KIAA1217: variants seen among roughly 807,000 people sequenced by gnomAD.
KIAA1217 encodes sickle tail protein homolog.
In KIAA1217, 88 loss-of-function variants were observed where a neutral mutation model predicts 163.9. The observed-to-expected ratio is 0.54, with a 90% CI of 0.45 to 0.64. The LOEUF (loss-of-function observed/expected upper bound fraction) is 0.64, where lower values mean the gene tolerates loss of function less well. Among genes scored for constraint, KIAA1217 ranks in the 30% least tolerant of loss-of-function variants. KIAA1217 has a pLI of 0.00. For synonymous variants in KIAA1217, 903 were observed against 923.1 expected (o/e 0.98, Z 0.39); for missense variants, 2,372 against 2,475.0 (o/e 0.96, Z 0.88).
chr10:24,340,480 G>A (rs570405198), intron 2 of KIAA1217, among the ~76,000 whole-genome samples: 1 of 152,162 alleles, frequency 6.6e-6, no homozygotes, highest in East Asian at 1.9e-4. Context: ...GGAAGTATGA[G>A]TCCATTAAAC....
rs72336428 is a variant in KIAA1217, at chr10:23,876,504, T to TA, written c.-320-130711dup. Among the ~76,000 whole-genome samples, 28 of 147,106 alleles carry TA rather than the reference T, an allele frequency of 1.9e-4. No individual in the cohort carries two copies. In the South Asian group the frequency reaches 2.2e-3, roughly 11 times the overall value. On this transcript the variant is annotated intron_variant, in intron 1 of 18. Coordinates refer to the KIAA1217 transcript ENST00000376462. ...AAAATAAAAAATGGAAAACAAAAAATAAAAAAAAAAGAAAATGCACCTCCA... is the reference window on the plus strand; with the variant it reads ...AAAATAAAAAATGGAAAACAAAAAATAAAAAAAAAAAGAAAATGCACCTCCA...
intron 3 of KIAA1217, among the ~76,000 whole-genome samples, chr10:24,395,772 G>A (rs1312470948): frequency 1.3e-5 from 2 of 152,124 alleles, no homozygotes; most frequent in Admixed American, 6.5e-5. Flanking sequence ...CTGGGCTCAA[G>A]CAAGCCTCCC....
intron 3 of KIAA1217, among the ~76,000 whole-genome samples, chr10:24,416,739 C>G (rs901620758): frequency 1.3e-5 from 2 of 152,136 alleles, no homozygotes; most frequent in African/African-American, 4.8e-5. Flanking sequence ...ATCTTCCCTC[C>G]TCTTCATCCT....
intron 1 of KIAA1217, among the ~76,000 whole-genome samples, chr10:23,993,553 C>CTGTTTTTTTTTTTT (rs1554836824): frequency 1.5e-5 from 1 of 68,956 alleles, no homozygotes; most frequent in Non-Finnish European, 2.4e-5. Context: ...CATAGCCCAG[C>CTGTTTTTTTTTTTT]TTTTTTTTTT....
intron 2 of KIAA1217, among the ~76,000 whole-genome samples, chr10:24,227,220 C>T (rs137933221): frequency 0.041 from 6,188 of 151,730 alleles, 424 homozygotes; most frequent in African/African-American, 0.14. Context: ...TGCAATGGCG[C>T]GATCTTTTCT....
intron 1 of KIAA1217, among the ~76,000 whole-genome samples, chr10:23,764,418 C>A (rs139675754): frequency 1.3e-5 from 2 of 151,978 alleles, no homozygotes; most frequent in African/African-American, 4.8e-5. Context: ...GATTTAGAAC[C>A]ATTTGACCCA....
intron 1 of KIAA1217, among the ~76,000 whole-genome samples, chr10:23,849,451 A>G (rs1839198173): frequency 6.6e-6 from 1 of 152,062 alleles, no homozygotes; most frequent in Non-Finnish European, 1.5e-5. Flanking sequence ...CAGTGGCTCT[A>G]AAATCACCTG....
At chr10:23,851,806 G>A (rs1356901946) in intron 1 of KIAA1217, among the ~76,000 whole-genome samples, 2 of 152,202 alleles carry the variant, frequency 1.3e-5, no homozygotes, top group Non-Finnish European at 1.5e-5. Flanking sequence ...CTGCATAAAT[G>A]TCTTCTTTTG....
chr10:24,404,259 C>T (rs1248085669), intron 3 of KIAA1217, among the ~76,000 whole-genome samples: 2 of 152,154 alleles, frequency 1.3e-5, no homozygotes, highest in Admixed American at 6.5e-5. Flanking sequence ...TGAGCCCACC[C>T]CTACAGTTCC....
intron 1 of KIAA1217, among the ~76,000 whole-genome samples, chr10:23,729,860 C>T (rs1838374423): frequency 6.6e-6 from 1 of 151,964 alleles, no homozygotes; most frequent in African/African-American, 2.4e-5. Flanking sequence ...AATTGTCAAA[C>T]CCAAAGCCCA....
intron 1 of KIAA1217, among the ~76,000 whole-genome samples, chr10:23,841,685 T>C (rs960795865): frequency 2.6e-5 from 4 of 151,994 alleles, no homozygotes; most frequent in African/African-American, 7.2e-5. Flanking sequence ...TAATTCTTCG[T>C]TGCAAAAACA....
intron 1 of KIAA1217, among the ~76,000 whole-genome samples, chr10:23,782,982 T>C (rs1835325566): frequency 6.6e-6 from 1 of 152,220 alleles, no homozygotes; most frequent in South Asian, 2.1e-4. Flanking sequence ...CTTTCATAAA[T>C]GGACTTTGTT....
chr10:24,260,326 C>T (rs1249137005), intron 2 of KIAA1217, among the ~76,000 whole-genome samples: 1 of 152,042 alleles, frequency 6.6e-6, no homozygotes, highest in Non-Finnish European at 1.5e-5. Context: ...GTTTAGGAAG[C>T]TTCTGGGCTA....
At chr10:23,776,448 TC>T (rs1835011648) in intron 1 of KIAA1217, among the ~76,000 whole-genome samples, 1 of 151,530 alleles carries the variant, frequency 6.6e-6, no homozygotes, top group Non-Finnish European at 1.5e-5. Flanking sequence ...ATATATTTAT[TC>T]ATAATATTCT....
At chr10:24,161,039 A>G (rs2065094909) in intron 2 of KIAA1217, among the ~76,000 whole-genome samples, 1 of 152,190 alleles carries the variant, frequency 6.6e-6, no homozygotes, top group Non-Finnish European at 1.5e-5. Flanking sequence ...AAACTTTTCA[A>G]AAAGCAAATA....
intron 5 of KIAA1217, among the ~76,000 whole-genome samples, chr10:24,439,088 C>A (rs1282665148): frequency 6.6e-6 from 1 of 152,060 alleles, no homozygotes; most frequent in East Asian, 1.9e-4. Flanking sequence ...AGGAGATTAT[C>A]CAAACATTCA....
chr10:23,963,984 C>T (rs1844941041), intron 1 of KIAA1217, among the ~76,000 whole-genome samples: 1 of 151,652 alleles, frequency 6.6e-6, no homozygotes, highest in Non-Finnish European at 1.5e-5. Flanking sequence ...ACCTCCGCCA[C>T]CCAGGTTCAA....
chr10:23,892,375 A>G (rs1841452516), intron 1 of KIAA1217, among the ~76,000 whole-genome samples: 1 of 151,952 alleles, frequency 6.6e-6, no homozygotes, highest in Non-Finnish European at 1.5e-5. Flanking sequence ...TTAGGGAAAT[A>G]AAATTATCAG....
chr10:23,876,515 G>A (rs542230922), intron 1 of KIAA1217, among the ~76,000 whole-genome samples: 1,984 of 151,112 alleles, frequency 0.013, 59 homozygotes, highest in African/African-American at 0.046. Flanking sequence ...AAAAAAAAAA[G>A]AAAATGCACC....
Sources: gnomAD v4.1 joint callset for allele counts (sites outside exome capture counted in the v4.1 genomes callset) on GRCh38, gnomAD v4.1.1 for gene constraint, MANE v1.5 for transcripts, NCBI Gene and HGNC (gene_info 2026-07-23, HGNC 2026-07-21) for gene names.